IPO11: variants seen among roughly 807,000 people sequenced by gnomAD.
IPO11 encodes the protein importin 11, also known as importin-11.
A neutral mutation model predicts 143.2 loss-of-function variants in IPO11; 66 were observed. The observed-to-expected ratio is 0.46, with a 90% confidence interval of 0.38 to 0.57. The LOEUF (loss-of-function observed/expected upper bound fraction) is 0.57. Among genes scored for constraint, IPO11 ranks in the 20% least tolerant of loss-of-function variants. The pLI is 0.00. For missense variants in IPO11, 1,026 were observed against 1,141.0 expected, an observed-to-expected ratio of 0.90 and a Z score of 1.45; for synonymous variants, 385 against 377.8, an observed-to-expected ratio of 1.02 and a Z score of -0.22.
At chr5:62,447,397 C>T (rs1744756702) in intron 3 of IPO11, among the ~76,000 whole-genome samples, 1 of 152,016 alleles carries the variant, frequency 6.6e-6, no homozygotes, top group Non-Finnish European at 1.5e-5. Context: ...TGAGCCAGTG[C>T]CCCCAGCCTA....
intron 9 of IPO11, among the ~76,000 whole-genome samples, chr5:62,478,499 A>G (rs923817650): frequency 5.3e-5 from 8 of 152,034 alleles, no homozygotes; most frequent in African/African-American, 1.7e-4. Flanking sequence ...ATCTTAACAC[A>G]ATTTTATATT....
In IPO11 at chr5:62,513,572, G is replaced by A. The variant is rs570910836; in HGVS notation, c.1783-1816G>A. On this transcript the variant is annotated intron_variant, in intron 19 of 29. Transcript: ENST00000325324. ...CCCCCACCTCCCTCCCGGACGGGGC[G>A]GCTGGCTGGGCAGACGGGCTCCTGG... is the stretch of plus-strand genomic sequence containing the variant. Among the ~76,000 whole-genome samples the A allele has an allele frequency of 1.9e-4, 28 of 146,286 alleles. 1 individual carries two copies. Among genetic ancestry groups the A allele is most frequent in the East Asian group, 1.5e-3 (7 of 4,790 alleles).
intron 28 of IPO11, among the ~76,000 whole-genome samples, chr5:62,593,790 G>A (rs1045561063): frequency 1.3e-5 from 2 of 152,184 alleles, no homozygotes; most frequent in Non-Finnish European, 2.9e-5. Flanking sequence ...AAACACAGTT[G>A]AGAAATAAAT....
rs375800266 is a variant in IPO11, at chr5:62,622,515, C to T, written c.2764-4639C>T. On this transcript the variant is annotated intron_variant, in intron 29 of 29. Transcript: ENST00000325324. Reference sequence around the variant, plus strand: ...TAAATGTGGATATTGTATTTTGATTCCCATTTAATTGCTCTGAAGATGATT... The same window carrying T: ...TAAATGTGGATATTGTATTTTGATTTCCATTTAATTGCTCTGAAGATGATT... Among the ~76,000 whole-genome samples, 29 of 152,246 alleles carry T rather than the reference C, an allele frequency of 1.9e-4. 1 individual carries two copies. The East Asian group carries it at 3.7e-3, about 19-fold the overall frequency.
At chr5:62,577,128 A>C (rs1744342792) in intron 27 of IPO11, among the ~76,000 whole-genome samples, 1 of 152,232 alleles carries the variant, frequency 6.6e-6, no homozygotes, top group South Asian at 2.1e-4. Context: ...CTCTAAGAAC[A>C]GCAACTCCTA....
chr5:62,571,839 C>T (rs544713354), intron 27 of IPO11, among the ~76,000 whole-genome samples: 5 of 152,246 alleles, frequency 3.3e-5, no homozygotes, highest in African/African-American at 9.6e-5. Context: ...GCGCACACCA[C>T]CACGCCCAGC....
chr5:62,553,317 C>T (rs1321640408), intron 26 of IPO11, among the ~76,000 whole-genome samples: 3 of 128,862 alleles, frequency 2.3e-5, no homozygotes, highest in Non-Finnish European at 4.7e-5. Flanking sequence ...GAATAGTATT[C>T]GTGTGAGTGT....
chr5:62,539,253 C>T (rs1488978931), intron 24 of IPO11, among the ~76,000 whole-genome samples: 1 of 152,136 alleles, frequency 6.6e-6, no homozygotes, highest in Non-Finnish European at 1.5e-5. Flanking sequence ...TGTTCCAAGC[C>T]TTTCTCTTAC....
rs1561380584 is a variant in IPO11, at chr5:62,598,424, CTTTCTT to C, written c.2679-3338_2679-3333del. 6.5e-4 allele frequency among the ~76,000 whole-genome samples: 4 copies of C among 6,184 alleles called. No homozygotes were observed. In the East Asian group the frequency reaches 0.013, roughly 20 times the overall value. The allele number at this position is 6,184 out of a possible 152,430, so 4.1% of individuals were successfully genotyped here. ...TCTTTCTTTCTTTCTTTCTTTCTTT[CTTTCTT>C]TCTCTCTCTCTCTCTCTCTCTCTCT... On this transcript the variant is annotated intron_variant, in intron 28 of 29. Coordinates refer to ENST00000325324, the MANE Select transcript of IPO11 (RefSeq NM_016338.5).
Position 62,536,739 on chromosome 5 carries a change from C to T in IPO11, c.2127C>T (p.Ile709=). 6.3e-7 allele frequency: 1 copy of T among 1,576,820 alleles called. No homozygotes were observed. Among genetic ancestry groups the T allele is most frequent in the Non-Finnish European group, 8.6e-7 (1 of 1,166,522 alleles). The change falls in exon 23 of 30, where the codon ATC becomes ATT. Residue 709 remains isoleucine, a synonymous_variant. Coordinates refer to ENST00000325324, the MANE Select transcript of IPO11 (RefSeq NM_016338.5). ...SSENLRTCFK[I]INGYIFLSST... ...AAAATCTTAGAACTTGCTTTAAGATCATCAATGGTTATATCTTTTTATCAT... is the reference window on the plus strand; with the variant it reads ...AAAATCTTAGAACTTGCTTTAAGATTATCAATGGTTATATCTTTTTATCAT...
intron 20 of IPO11, among the ~76,000 whole-genome samples, chr5:62,520,716 G>A (rs1032943852): frequency 1.1e-4 from 17 of 152,188 alleles, no homozygotes; most frequent in Non-Finnish European, 2.1e-4. Flanking sequence ...GTATTACATA[G>A]TGTATATGTG....
chr5:62,452,352 T>C (rs538720759), intron 5 of IPO11, among the ~76,000 whole-genome samples: 1 of 151,442 alleles, frequency 6.6e-6, no homozygotes, highest in East Asian at 1.9e-4. Flanking sequence ...TCTTTCTCAT[T>C]TTAAGCTGGG....
intron 29 of IPO11, among the ~76,000 whole-genome samples, chr5:62,604,539 A>ATT (rs1459196746): frequency 2.7e-5 from 4 of 150,744 alleles, no homozygotes; most frequent in African/African-American, 9.7e-5. Flanking sequence ...CGTGGAAAGT[A>ATT]TTTTTTTTTG....
At chr5:62,464,468 GT>G (rs1332846080) in intron 5 of IPO11, among the ~76,000 whole-genome samples, 1 of 149,658 alleles carries the variant, frequency 6.7e-6, no homozygotes, top group Non-Finnish European at 1.5e-5. Flanking sequence ...TGTTTTCTTC[GT>G]TTTTTTTTGT....
chr5:62,472,729 A>G (rs904977569), intron 7 of IPO11, among the ~76,000 whole-genome samples: 4 of 151,924 alleles, frequency 2.6e-5, no homozygotes, highest in East Asian at 3.9e-4. Context: ...GGGTTTCACA[A>G]TGTTGGCCAG....
intron 5 of IPO11, among the ~76,000 whole-genome samples, chr5:62,458,456 A>G (rs947178159): frequency 2.0e-5 from 3 of 152,098 alleles, no homozygotes; most frequent in South Asian, 2.1e-4. Flanking sequence ...GCATGCCGCT[A>G]TGCCCGGCTA....
chr5:62,586,261 T>C (rs1305595080), intron 27 of IPO11, among the ~76,000 whole-genome samples: 1 of 152,222 alleles, frequency 6.6e-6, no homozygotes. Flanking sequence ...AATTTTGCTT[T>C]AGAAATATTT....
At chr5:62,486,736 A>C (rs1746420476) in intron 12 of IPO11, among the ~76,000 whole-genome samples, 1 of 152,142 alleles carries the variant, frequency 6.6e-6, no homozygotes. Flanking sequence ...CATTCCTTTA[A>C]TTTTTAAAAG....
At chr5:62,441,608 T>G (rs1580182121) in intron 2 of IPO11, among the ~76,000 whole-genome samples, 2 of 145,488 alleles carry the variant, frequency 1.4e-5, no homozygotes, top group South Asian at 2.2e-4. Flanking sequence ...CTCCGCCTCC[T>G]GGGTTCAAGC....
Sources: allele counts gnomAD v4.1 joint callset (sites outside exome capture counted in the v4.1 genomes callset), GRCh38; gene constraint gnomAD v4.1.1; transcripts MANE v1.5; gene names NCBI Gene and HGNC (gene_info 2026-07-23, HGNC 2026-07-21).